The following HERC4 variants were observed in gnomAD, a reference collection of about 807,000 sequenced individuals.
HERC4 encodes the protein HECT and RLD domain containing E3 ubiquitin protein ligase 4, also known as probable E3 ubiquitin-protein ligase HERC4.
Under a neutral mutation model 124.3 loss-of-function variants are expected in HERC4, and 28 were observed. The ratio of observed to expected loss-of-function variants is 0.23; its 90% CI spans 0.17 to 0.31. HERC4 has a LOEUF of 0.31. Among genes scored for constraint, HERC4 ranks in the 10% least tolerant of loss-of-function variants. HERC4 has a pLI of 1.00. For missense variants in HERC4, 713 were observed against 1,229.3 expected (o/e 0.58, Z 6.28); for synonymous variants, 407 against 421.5 (o/e 0.97, Z 0.42).
chr10:67,999,809 G>A (rs1395940097), intron 9 of HERC4, among the ~76,000 whole-genome samples: 1 of 152,032 alleles, frequency 6.6e-6, no homozygotes, highest in East Asian at 1.9e-4. Flanking sequence ...TAAACTAAAA[G>A]GAATTATTTA....
In HERC4 at chr10:68,018,340, T is replaced by TA. The variant is rs796871214; in HGVS notation, c.909-4155dup. The stretch of plus-strand genomic sequence containing the variant: ...TTAAAAACTTAACATCCATTCACAA[T>TA]AAAAAAAACTAGGAATTAAAGGGAA... On this transcript the variant is annotated intron_variant, in intron 8 of 24. Transcript: ENST00000373700. Among the ~76,000 whole-genome samples, 42 of 151,488 alleles carry TA rather than the reference T, an allele frequency of 2.8e-4. 1 individual carries two copies. The highest frequency in any genetic ancestry group is 1.3e-3 in the South Asian group (6 of 4,786).
intron 8 of HERC4, among the ~76,000 whole-genome samples, chr10:68,014,898 T>C (rs577684898): frequency 6.6e-6 from 1 of 152,332 alleles, no homozygotes; most frequent in East Asian, 1.9e-4. Flanking sequence ...ACATGGCATC[T>C]CCAGGTCTCA....
At chr10:68,052,623 A>G (rs2040370350) in intron 3 of HERC4, among the ~76,000 whole-genome samples, 1 of 152,204 alleles carries the variant, frequency 6.6e-6, no homozygotes, top group South Asian at 2.1e-4. Flanking sequence ...TTCCTGTTGA[A>G]TGAGTAACTG....
In HERC4 at chr10:67,996,229, G is replaced by T. The variant is rs553075786; in HGVS notation, c.1070-3547C>A. On this transcript the variant is annotated intron_variant, in intron 9 of 24. Coordinates refer to ENST00000373700, the MANE Select transcript of HERC4 (RefSeq NM_015601.4). Reference sequence around the variant, plus strand: ...CGAGGGTGGAGTGAGCTGTGATCACGCCACTGCAATCCAGCCTGGGCAGCC... The same window carrying T: ...CGAGGGTGGAGTGAGCTGTGATCACTCCACTGCAATCCAGCCTGGGCAGCC... 1.3e-5 allele frequency: 5 copies of T among 375,304 alleles called. No homozygotes were observed. In the Admixed American group the frequency reaches 1.7e-4, roughly 13 times the overall value. 23.2% of individuals were successfully genotyped at this position (375,304 alleles called of 1,614,324 possible). A position where few individuals can be genotyped will look rare whatever the true frequency, so the allele number is the denominator to read the frequency against.
At chr10:68,059,519 C>T (rs191323595) in intron 3 of HERC4, among the ~76,000 whole-genome samples, 71 of 72,794 alleles carry the variant, frequency 9.8e-4, no homozygotes, top group South Asian at 1.7e-3. Context: ...TATTATATAT[C>T]ATAATAATAT....
rs779778853 is a variant in HERC4, at chr10:67,921,941, T to C, written c.*990A>G. On this transcript the variant is annotated 3_prime_UTR_variant, in exon 25 of 25. Coordinates refer to ENST00000373700, the MANE Select transcript of HERC4 (RefSeq NM_015601.4). ...AAACAATAAATCTTTATTAAACAGT[T>C]TTCACGGCATTTTAAAATAAATTTA... 6 of 152,258 alleles carry C rather than the reference T, an allele frequency of 3.9e-5. No individual in the cohort carries two copies. In the South Asian group the frequency reaches 6.2e-4, roughly 16 times the overall value. The allele number at this position is 152,258 out of a possible 1,614,324, so 9.4% of individuals were successfully genotyped here.
At chr10:68,019,459 A>C (rs951349663) in intron 8 of HERC4, among the ~76,000 whole-genome samples, 1 of 152,130 alleles carries the variant, frequency 6.6e-6, no homozygotes, top group Admixed American at 6.6e-5. Context: ...ACAACAGCTT[A>C]TGGCAACAGT....
intron 9 of HERC4, chr10:68,010,730 A>G: frequency 6.7e-7 from 1 of 1,489,104 alleles, no homozygotes; most frequent in Non-Finnish European, 9.2e-7. Flanking sequence ...AAAGAGGCAG[A>G]TGGTCGTTTG....
At chr10:67,978,904 CA>C (rs1224179317) in intron 15 of HERC4, among the ~76,000 whole-genome samples, 1 of 152,196 alleles carries the variant, frequency 6.6e-6, no homozygotes, top group African/African-American at 2.4e-5. Flanking sequence ...GCCAGAACCA[CA>C]GCACTACTGG....
At chr10:68,036,111 G>A (rs910430742) in intron 5 of HERC4, among the ~76,000 whole-genome samples, 4 of 151,718 alleles carry the variant, frequency 2.6e-5, no homozygotes, top group South Asian at 2.1e-4. Context: ...TCAGGAGATC[G>A]AGACCATCCT....
chr10:68,049,432 G>A (rs2040175645), intron 3 of HERC4, among the ~76,000 whole-genome samples: 1 of 151,806 alleles, frequency 6.6e-6, no homozygotes, highest in African/African-American at 2.4e-5. Context: ...GGGAGGCTGA[G>A]GTGGACAGAT....
At chr10:68,008,573 T>C (rs2037732940) in intron 9 of HERC4, among the ~76,000 whole-genome samples, 1 of 152,206 alleles carries the variant, frequency 6.6e-6, no homozygotes, top group African/African-American at 2.4e-5. Flanking sequence ...AACGTCCTTA[T>C]GTGCTGAATC....
intron 7 of HERC4, among the ~76,000 whole-genome samples, chr10:68,027,182 T>C (rs2038946884): frequency 2.0e-5 from 3 of 152,246 alleles, no homozygotes; most frequent in African/African-American, 7.2e-5. Flanking sequence ...TTTCATCATT[T>C]AATAGCGTTA....
intron 15 of HERC4, among the ~76,000 whole-genome samples, chr10:67,986,284 T>A (rs2036254165): frequency 6.6e-6 from 1 of 152,234 alleles, no homozygotes; most frequent in South Asian, 2.1e-4. Context: ...TCAAAAGTAG[T>A]GGTTTTCCAT....
In HERC4 at chr10:68,065,324, A is replaced by G. The variant is rs2041247119; in HGVS notation, c.226+7559T>C. 2.6e-5 allele frequency among the ~76,000 whole-genome samples: 4 copies of G among 152,330 alleles called. No individual in the cohort carries two copies. In the South Asian group the frequency reaches 8.3e-4, roughly 32 times the overall value. On this transcript the variant is annotated intron_variant, in intron 3 of 24. Transcript: ENST00000373700. ...AACTAAAAATATGTTATTTCAGAATAGTATAACACCTAGCAAAGGAATAAA... is the reference window on the plus strand; with the variant it reads ...AACTAAAAATATGTTATTTCAGAATGGTATAACACCTAGCAAAGGAATAAA...
intron 15 of HERC4, among the ~76,000 whole-genome samples, chr10:67,976,065 A>T (rs1408995976): frequency 6.6e-6 from 1 of 151,944 alleles, no homozygotes; most frequent in African/African-American, 2.4e-5. Flanking sequence ...GCTGGAAAGC[A>T]GCCACTCCCA....
At chr10:67,991,788 C>T (rs1280821899) in intron 11 of HERC4, among the ~76,000 whole-genome samples, 1 of 152,120 alleles carries the variant, frequency 6.6e-6, no homozygotes, top group Admixed American at 6.6e-5. Context: ...CATTTCAAGG[C>T]CAATCCTAAA....
intron 15 of HERC4, among the ~76,000 whole-genome samples, chr10:67,984,321 G>A (rs959718005): frequency 1.3e-5 from 2 of 149,804 alleles, no homozygotes; most frequent in African/African-American, 2.5e-5. Flanking sequence ...AAAAAAAAGA[G>A]TGACATTCCT....
In HERC4 at chr10:68,063,069, CTT is replaced by C. The variant is rs1312477898; in HGVS notation, c.226+9812_226+9813del. ...TAGTATACTATCTCTACACAGCACT[CTT>C]GTTTATACATCCTGTAACACTTAGC... is the stretch of plus-strand genomic sequence containing the variant. On this transcript the variant is annotated intron_variant, in intron 3 of 24. Coordinates refer to ENST00000373700, the MANE Select transcript of HERC4 (RefSeq NM_015601.4). Among the ~76,000 whole-genome samples, 19 of 152,002 alleles carry C rather than the reference CTT, an allele frequency of 1.2e-4. No individual in the cohort carries two copies. The South Asian group carries it at 2.9e-3, about 23-fold the overall frequency.
Sources: gnomAD v4.1 joint callset for allele counts (sites outside exome capture counted in the v4.1 genomes callset) on GRCh38, gnomAD v4.1.1 for gene constraint, MANE v1.5 for transcripts, NCBI Gene and HGNC (gene_info 2026-07-23, HGNC 2026-07-21) for gene names.